The following DOCK7 variants were observed in gnomAD, a reference collection of about 807,000 sequenced individuals.
DOCK7 encodes the protein dedicator of cytokinesis 7.
In DOCK7, 138 loss-of-function variants were observed where a neutral mutation model predicts 271.0. The ratio of observed to expected loss-of-function variants is 0.51; its 90% CI spans 0.44 to 0.59. DOCK7 has a LOEUF of 0.59. DOCK7 is among the 20% of genes least tolerant of loss of function. The probability of loss-of-function intolerance (pLI) is 0.00; values close to 1 mark genes in which losing one functional copy is unlikely to be tolerated. For missense variants in DOCK7, 2,066 were observed against 2,592.4 expected, an observed-to-expected ratio of 0.80 and a Z score of 4.41; for synonymous variants, 823 against 876.1, an observed-to-expected ratio of 0.94 and a Z score of 1.07.
At chr1:62,486,225 G>A (rs937006832) in intron 43 of DOCK7, 10 of 152,086 alleles carry the variant, frequency 6.6e-5, no homozygotes, top group African/African-American at 2.4e-4. Flanking sequence ...AGAGAATTAA[G>A]GTAGATTTAT....
chr1:62,498,586 T>C (rs1054319913), intron 37 of DOCK7, among the ~76,000 whole-genome samples: 4 of 151,992 alleles, frequency 2.6e-5, no homozygotes, highest in Non-Finnish European at 4.4e-5. Flanking sequence ...TCATCTGTTA[T>C]TAAATGAACA....
rs376016940 is a variant in DOCK7, at chr1:62,475,754, C to G, written c.5914G>C (p.Ala1972Pro). The G allele has an allele frequency of 1.2e-6, 2 of 1,613,878 alleles. No homozygotes were observed. The highest frequency in any genetic ancestry group is 1.7e-6 in the Non-Finnish European group (2 of 1,179,912). The change falls in exon 46 of 50, where the codon GCC (alanine) becomes CCC (proline). Residue 1972 changes from alanine (A) to proline (P), a missense_variant. Ala to Pro is a conservative substitution (Grantham distance 27). Coordinates refer to ENST00000635253, the MANE Select transcript of DOCK7 (RefSeq NM_001367561.1). ...ACCCTTGTTTTAATATAAGGAAAGG[C>G]ATGAGACGTAGTCAGAATGGTCTTC... The part of the protein sequence containing the change: ...KRKTILTTSH[A>P]FPYIKTRVNV...
At chr1:62,506,284 A>G (rs1646933754) in intron 35 of DOCK7, among the ~76,000 whole-genome samples, 1 of 152,126 alleles carries the variant, frequency 6.6e-6, no homozygotes, top group African/African-American at 2.4e-5. Flanking sequence ...TGAACAAAAG[A>G]GAAGTTACAT....
intron 20 of DOCK7, among the ~76,000 whole-genome samples, chr1:62,558,610 GA>G (rs1281431779): frequency 6.6e-6 from 1 of 152,106 alleles, no homozygotes; most frequent in Non-Finnish European, 1.5e-5. Context: ...AGAGTAGGTA[GA>G]TTATACATCC....
chr1:62,636,347 C>T (rs2149640897), intron 8 of DOCK7, among the ~76,000 whole-genome samples, 190 bp downstream of exon 8: 1 of 152,264 alleles, frequency 6.6e-6, no homozygotes, highest in South Asian at 2.1e-4. Context: ...TTCAGTGAAA[C>T]AATAACCTGT....
chr1:62,521,106 G>GT (rs1479222504), intron 31 of DOCK7, among the ~76,000 whole-genome samples: 106 of 147,782 alleles, frequency 7.2e-4, no homozygotes, highest in South Asian at 9.1e-4. Context: ...CTGTCAGGGG[G>GT]TAGGGGGGTA....
At chr1:62,464,502 C>T (rs181265577) in intron 48 of DOCK7, among the ~76,000 whole-genome samples, 14 of 151,434 alleles carry the variant, frequency 9.2e-5, no homozygotes, top group South Asian at 8.4e-4. Context: ...GCCAACATGG[C>T]GAAACCCCGT....
chr1:62,513,761 C>A lies in DOCK7; in HGVS notation c.4074G>T (p.Arg1358=), dbSNP rs1644572673. The change falls in exon 32 of 50, where the codon CGG becomes CGT. Residue 1358 remains arginine (R), a synonymous_variant. Transcript: ENST00000635253. Reference sequence around the variant, plus strand: ...CACAGAGATAAAGCAGATCTAATAGCCGGTTTAGCTGCAAGACTGAGAGAT... The same window carrying A: ...CACAGAGATAAAGCAGATCTAATAGACGGTTTAGCTGCAAGACTGAGAGAT... The part of the protein sequence containing the change: ...FTDLSVLQLN[R]LLDLLYLCVS... The A allele has an allele frequency of 6.2e-7, 1 of 1,613,978 alleles. No homozygotes were observed. The highest frequency in any genetic ancestry group is 1.3e-5 in the African/African-American group (1 of 74,930).
Position 62,455,159 on chromosome 1 carries a change from ATAAT to A in DOCK7, c.*251_*254del. 1 of 583,346 alleles carries A rather than the reference ATAAT, an allele frequency of 1.7e-6. No homozygotes were observed. The highest frequency in any genetic ancestry group is 3.0e-6 in the Non-Finnish European group (1 of 331,560). 36.1% of individuals were successfully genotyped at this position (583,346 alleles called of 1,614,324 possible). On this transcript the variant is annotated 3_prime_UTR_variant, in exon 50 of 50. Coordinates refer to ENST00000635253, the MANE Select transcript of DOCK7 (RefSeq NM_001367561.1). ...ATTTTTAACCTTAGCTATGGTATAA[ATAAT>A]GGTAAATGTATAGTGTACCTTTGAG...
At position 62,518,777 on chromosome 1, in the gene DOCK7, G is replaced by GA. The variant is rs959866817; in HGVS notation, c.3937-4880dup. Among the ~76,000 whole-genome samples, 175 of 140,998 alleles carry GA rather than the reference G, an allele frequency of 1.2e-3. 1 individual carries two copies. Among genetic ancestry groups the GA allele is most frequent in the South Asian group, 0.011 (47 of 4,468 alleles). The allele number at this position is 140,998 out of a possible 152,430, so 92.5% of individuals were successfully genotyped here. ...AACAACAAGAAGTCAATAAAAGAGAGAAAAAAAAAACTATAATGGGGTAAG... is the reference window on the plus strand; with the variant it reads ...AACAACAAGAAGTCAATAAAAGAGAGAAAAAAAAAAACTATAATGGGGTAAG... On this transcript the variant is annotated intron_variant, in intron 31 of 49. Coordinates refer to ENST00000635253, the MANE Select transcript of DOCK7 (RefSeq NM_001367561.1).
intron 43 of DOCK7, among the ~76,000 whole-genome samples, chr1:62,480,618 G>A (rs981226378): frequency 2.6e-5 from 4 of 152,156 alleles, no homozygotes; most frequent in Admixed American, 1.3e-4. Flanking sequence ...GAGGGTCAGG[G>A]GAAGGCAGAT....
Position 62,455,036 on chromosome 1 carries a change from T to C in DOCK7, c.*378A>G. 2.3e-6 allele frequency: 1 copy of C among 439,918 alleles called. No individual in the cohort carries two copies. The highest frequency in any genetic ancestry group is 3.5e-5 in the East Asian group (1 of 28,962). 27.3% of individuals were successfully genotyped at this position (439,918 alleles called of 1,614,324 possible). A position where few individuals can be genotyped will look rare whatever the true frequency, so the allele number is the denominator to read the frequency against. On this transcript the variant is annotated 3_prime_UTR_variant, in exon 50 of 50. Coordinates refer to ENST00000635253, the MANE Select transcript of DOCK7 (RefSeq NM_001367561.1). ...TTAGTGTAAACATTCACATATTTAA[T>C]AGTACCTTTAAAATAAGCATTACTA...
chr1:62,476,559 G>A (rs1460089946), intron 44 of DOCK7, among the ~76,000 whole-genome samples: 1 of 151,962 alleles, frequency 6.6e-6, no homozygotes, highest in Non-Finnish European at 1.5e-5. Context: ...AGAGACCATG[G>A]GTTAATGAAT....
chr1:62,679,011 T>TA (rs1660827155), intron 1 of DOCK7, among the ~76,000 whole-genome samples: 1 of 152,190 alleles, frequency 6.6e-6, no homozygotes, highest in African/African-American at 2.4e-5. Flanking sequence ...CATAAATACA[T>TA]ATGCATACTA....
At chr1:62,584,411 T>C in intron 15 of DOCK7, 2 of 989,758 alleles carry the variant, frequency 2.0e-6, no homozygotes, top group Non-Finnish European at 2.4e-6. Context: ...CAGCCCTTTT[T>C]TTAAAAAAGG....
chr1:62,490,753 T>G (rs1215665374), intron 41 of DOCK7, among the ~76,000 whole-genome samples: 1 of 152,148 alleles, frequency 6.6e-6, no homozygotes, highest in Non-Finnish European at 1.5e-5. Flanking sequence ...AAATCACACA[T>G]ATACAAACAC....
At chr1:62,665,438 G>A (rs923362520) in intron 1 of DOCK7, among the ~76,000 whole-genome samples, 1 of 152,008 alleles carries the variant, frequency 6.6e-6, no homozygotes, top group African/African-American at 2.4e-5. Context: ...AGGCGCGGTG[G>A]CTCGCGCCTG....
intron 7 of DOCK7, chr1:62,641,710 TC>T (rs1257420499): frequency 3.1e-6 from 1 of 318,184 alleles, no homozygotes; most frequent in Non-Finnish European, 6.4e-6. Flanking sequence ...ACCAGGGCCT[TC>T]CCCCTCCCAA....
At chr1:62,464,569 C>T (rs1409096856) in intron 48 of DOCK7, among the ~76,000 whole-genome samples, 1 of 151,852 alleles carries the variant, frequency 6.6e-6, no homozygotes, top group African/African-American at 2.4e-5. Flanking sequence ...GCAATCCCGG[C>T]TACTTGGGAG....
Sources: allele counts gnomAD v4.1 joint callset (sites outside exome capture counted in the v4.1 genomes callset), GRCh38; gene constraint gnomAD v4.1.1; transcripts MANE v1.5; gene names NCBI Gene and HGNC (gene_info 2026-07-23, HGNC 2026-07-21).